TMLHE: variants seen among roughly 807,000 people sequenced by gnomAD.
TMLHE encodes the protein trimethyllysine dioxygenase, mitochondrial.
TMLHE carries 18 observed loss-of-function variants against 25.7 expected under a neutral mutation model. The observed-to-expected ratio is 0.70, with a 90% CI of 0.48 to 1.04. TMLHE has a LOEUF of 1.04. Among genes scored for constraint, TMLHE ranks in the 50% least tolerant of loss-of-function variants. The pLI, the probability that TMLHE is intolerant of heterozygous loss-of-function variation, is 0.00. For synonymous variants in TMLHE, 105 were observed against 97.0 expected, an observed-to-expected ratio of 1.08 and a Z score of -0.49; for missense variants, 236 against 259.0, an observed-to-expected ratio of 0.91 and a Z score of 0.61.
At chrX:155,597,150 T>C (rs1557346637) in intron 1 of TMLHE, among the ~76,000 whole-genome samples, 1 of 107,218 alleles carries the variant, frequency 9.3e-6, no homozygotes, top group Non-Finnish European at 1.9e-5. Flanking sequence ...GTCCTTGCGA[T>C]AGTTTGCTGA....
At chrX:155,573,260 A>G (rs2067568323) in intron 1 of TMLHE, among the ~76,000 whole-genome samples, 1 of 58,327 alleles carries the variant, frequency 1.7e-5, no homozygotes, top group African/African-American at 4.1e-5. Flanking sequence ...CATCAGAGAA[A>G]TGCAAATCAA....
chrX:155,586,226 CAAA>C (rs34370815), intron 1 of TMLHE, among the ~76,000 whole-genome samples: 2 of 80,516 alleles, frequency 2.5e-5, no homozygotes, highest in Non-Finnish European at 2.3e-5. Context: ...AGCTCCGTCT[CAAA>C]AAAAAAAAAA....
At chrX:155,526,459 A>G (rs2067220066) in intron 2 of TMLHE, among the ~76,000 whole-genome samples, 1 of 112,987 alleles carries the variant, frequency 8.9e-6, no homozygotes, top group African/African-American at 3.2e-5. Context: ...ATATCCAGGC[A>G]GAAGTCTATT....
At chrX:155,524,725 A>C in intron 2 of TMLHE, 93 bp from the exon 3 acceptor site, 1 of 843,094 alleles carries the variant, frequency 1.2e-6, no homozygotes. Flanking sequence ...TCTTCTACCA[A>C]TAAGCAATAA....
chrX:155,587,735 A>C (rs935737552), intron 1 of TMLHE, among the ~76,000 whole-genome samples: 1 of 112,262 alleles, frequency 8.9e-6, no homozygotes, highest in Non-Finnish European at 1.9e-5. Flanking sequence ...CCAAGAAAGA[A>C]AGCAGGCAAT....
At chrX:155,563,964 C>T (rs1333577012) in intron 1 of TMLHE, among the ~76,000 whole-genome samples, 1 of 61,590 alleles carries the variant, frequency 1.6e-5, no homozygotes, top group Non-Finnish European at 4.5e-5. Context: ...ATGCCATTTT[C>T]TCCATCACAA....
intron 5 of TMLHE, among the ~76,000 whole-genome samples, chrX:155,509,754 G>A (rs1410274622): frequency 2.7e-5 from 3 of 111,282 alleles, no homozygotes; most frequent in African/African-American, 9.8e-5. Flanking sequence ...ATGAGCAATT[G>A]CATATTATCA....
chrX:155,533,726 C>T (rs1382424901), intron 2 of TMLHE, among the ~76,000 whole-genome samples: 1 of 110,927 alleles, frequency 9.0e-6, no homozygotes, highest in Non-Finnish European at 1.9e-5. Context: ...AAAGGCCATT[C>T]TGATGAGGTC....
In TMLHE at chrX:155,513,949, T is replaced by C. The variant is rs782504852; in HGVS notation, c.638+37A>G. The stretch of plus-strand genomic sequence containing the variant: ...TTGGTGTTCATGCTCTGGAAATTAA[T>C]TATAATACTGTGGATTTTAGGAAAC... On this transcript the variant is annotated intron_variant, in intron 4 of 7. Coordinates refer to ENST00000334398, the MANE Select transcript of TMLHE (RefSeq NM_018196.4). The C allele has an allele frequency of 1.5e-5, 17 of 1,169,277 alleles. No individual in the cohort carries two copies. In the African/African-American group the frequency reaches 3.0e-4, roughly 21 times the overall value.
At chrX:155,507,551 G>A (rs1460114177) in intron 5 of TMLHE, among the ~76,000 whole-genome samples, 3 of 108,912 alleles carry the variant, frequency 2.8e-5, no homozygotes, top group African/African-American at 1.0e-4. Context: ...TTCTAGCGGG[G>A]TGTTGTATAA....
Position 155,511,768 on chromosome X carries a change from C to T in TMLHE, c.663G>A (p.Trp221Ter). 8.4e-7 allele frequency: 1 copy of T among 1,187,045 alleles called. No individual in the cohort carries two copies. The highest frequency in any genetic ancestry group is 1.1e-6 in the Non-Finnish European group (1 of 878,961). ...LIRETIYGRM[W>*]YFTSDFSRGD... is the part of the protein sequence containing the mutation. Reference sequence around the variant, plus strand: ...CTCTGGAGAAGTCTGAAGTGAAATACCACATCCTCCCATAAATGGTTTCTC... The same window carrying T: ...CTCTGGAGAAGTCTGAAGTGAAATATCACATCCTCCCATAAATGGTTTCTC... The change falls in exon 5 of 8, where the codon TGG becomes TGA. Residue 221 changes from tryptophan (W) to a stop codon, truncating the protein, a stop_gained. Coordinates refer to ENST00000334398, the MANE Select transcript of TMLHE (RefSeq NM_018196.4). LOFTEE classifies it high-confidence loss of function.
At chrX:155,566,044 T>C (rs186708491) in intron 1 of TMLHE, among the ~76,000 whole-genome samples, 1 of 61,800 alleles carries the variant, frequency 1.6e-5, no homozygotes, top group African/African-American at 3.6e-5. Context: ...GACACTATGA[T>C]GAATAGCTAG....
chrX:155,536,348 G>A (rs907443336), intron 2 of TMLHE, among the ~76,000 whole-genome samples: 2 of 111,122 alleles, frequency 1.8e-5, no homozygotes, highest in Non-Finnish European at 3.8e-5. Context: ...TCCAATACAG[G>A]CCACATATCT....
chrX:155,600,933 A>C (rs1190789155), intron 1 of TMLHE, among the ~76,000 whole-genome samples: 3 of 112,016 alleles, frequency 2.7e-5, no homozygotes, highest in African/African-American at 9.8e-5. Flanking sequence ...GACCACTAAA[A>C]TATGGCCCAG....
chrX:155,586,222 G>A (rs782343167), intron 1 of TMLHE, among the ~76,000 whole-genome samples: 14 of 57,200 alleles, frequency 2.4e-4, no homozygotes, highest in South Asian at 1.2e-3. Flanking sequence ...GCAAAGCTCC[G>A]TCTCAAAAAA....
At chrX:155,506,500 A>G (rs1462566031) in intron 6 of TMLHE, among the ~76,000 whole-genome samples, 6 of 111,641 alleles carry the variant, frequency 5.4e-5, no homozygotes, top group Non-Finnish European at 1.1e-4. Context: ...TTTATATTCT[A>G]CAAAATATCT....
At chrX:155,541,295 G>A (rs2124403650) in intron 2 of TMLHE, among the ~76,000 whole-genome samples, 1 of 111,193 alleles carries the variant, frequency 9.0e-6, no homozygotes, top group Non-Finnish European at 1.9e-5. Flanking sequence ...AACATGCGAT[G>A]TTTGGTTTTC....
intron 1 of TMLHE, among the ~76,000 whole-genome samples, chrX:155,582,122 T>C (rs2067633080): frequency 8.9e-6 from 1 of 112,192 alleles, no homozygotes; most frequent in Admixed American, 9.4e-5. Flanking sequence ...GCTAGCCATA[T>C]GGAGAAAGCT....
intron 5 of TMLHE, among the ~76,000 whole-genome samples, chrX:155,508,775 AT>A (rs1223880836): frequency 9.1e-6 from 1 of 109,921 alleles, no homozygotes; most frequent in Non-Finnish European, 1.9e-5. Flanking sequence ...AGTAACTTTA[AT>A]TGCGGTGAGG....
Sources: gnomAD v4.1 joint callset for allele counts (sites outside exome capture counted in the v4.1 genomes callset) on GRCh38, gnomAD v4.1.1 for gene constraint, MANE v1.5 for transcripts, NCBI Gene and HGNC (gene_info 2026-07-23, HGNC 2026-07-21) for gene names.